Variants in ADH4 observed in about 807,000 individuals in gnomAD.
ADH4 encodes the protein alcohol dehydrogenase 4 (class II), pi polypeptide, also known as all-trans-retinol dehydrogenase [NAD(+)] ADH4.
Under a neutral mutation model 35.2 loss-of-function variants are expected in ADH4, and 31 were observed. The observed-to-expected ratio is 0.88, with a 90% CI of 0.66 to 1.19. The LOEUF is 1.19. Ranked by LOEUF, ADH4 falls within the 50% of genes most tolerant of loss-of-function variation. The probability of loss-of-function intolerance (pLI) is 0.00; values close to 1 mark genes in which losing one functional copy is unlikely to be tolerated. For missense variants in ADH4, 476 were observed against 458.3 expected (o/e 1.04, Z -0.35); for synonymous variants, 171 against 160.2 (o/e 1.07, Z -0.51).
intron 5 of ADH4, 130 bp downstream of exon 5, chr4:99,136,336 T>A: frequency 1.4e-6 from 1 of 690,882 alleles, no homozygotes. Context: ...AGGGATTAAA[T>A]AACTTGCTTA....
chr4:99,126,563 T>TA (rs779149251), intron 8 of ADH4, 31 bp downstream of exon 8: 20 of 1,540,738 alleles, frequency 1.3e-5, no homozygotes, highest in Non-Finnish European at 1.7e-5. Context: ...AAACGTTTTT[T>TA]AAATCATTCA....
chr4:99,129,875 G>A (rs979246568), intron 6 of ADH4, among the ~76,000 whole-genome samples: 3 of 152,178 alleles, frequency 2.0e-5, no homozygotes, highest in African/African-American at 7.2e-5. Context: ...GTATTCCCCT[G>A]CTGTACTCAT....
Position 99,139,045 on chromosome 4 carries a change from A to G in ADH4, c.350+16T>C. The G allele has an allele frequency of 6.3e-7, 1 of 1,577,854 alleles. No homozygotes were observed. The stretch of plus-strand genomic sequence containing the variant: ...CATTCAAATTTATACTAATACTAAC[A>G]GTGTAGAGTGCTTACCTGATTTTCC... On this transcript the variant is annotated intron_variant, in intron 4 of 8. Transcript: ENST00000265512.
chr4:99,137,139 T>TA (rs200921834), intron 4 of ADH4, among the ~76,000 whole-genome samples: 31,230 of 150,244 alleles, frequency 0.21, 3,851 homozygotes, highest in Non-Finnish European at 0.28. Context: ...ATTATTATTT[T>TA]TTTTTTGAGA....
Position 99,144,186 on chromosome 4 carries a change from A to T in ADH4, c.18+19T>A, listed in dbSNP as rs999394324. 1 of 1,613,500 alleles carries T rather than the reference A, an allele frequency of 6.2e-7. No homozygotes were observed. The highest frequency in any genetic ancestry group is 1.3e-5 in the African/African-American group (1 of 75,044). On this transcript the variant is annotated intron_variant, in intron 1 of 8. Transcript: ENST00000265512. ...ACAGAAAAGCACAAACTGAACAAAGATACAGCTTACTTGCTTACTTTGCCC... is the reference window on the plus strand; with the variant it reads ...ACAGAAAAGCACAAACTGAACAAAGTTACAGCTTACTTGCTTACTTTGCCC...
rs1560776851 is a variant in ADH4, at chr4:99,131,571, A to C, written c.776T>G (p.Val259Gly). ...ACCTCCCTTGGTCAATTCAATGATA[A>C]CTTCCTGGATCGGTTTATGTAAGTC... The part of the protein sequence containing the change: ...PRDLHKPIQE[V>G]IIELTKGGVD... The change falls in exon 6 of 9, where the codon GTT (valine) becomes GGT (glycine). Residue 259 changes from valine (V) to glycine (G), a missense_variant. Coordinates refer to ENST00000265512, the MANE Select transcript of ADH4 (RefSeq NM_000670.5). 1 of 1,614,008 alleles carries C rather than the reference A, an allele frequency of 6.2e-7. No homozygotes were observed. Among genetic ancestry groups the C allele is most frequent in the African/African-American group, 1.3e-5 (1 of 74,914 alleles).
chr4:99,124,269 C>CAT lies in ADH4; in HGVS notation c.*171_*172dup. ...ATTATTATTTAACATAGGGAATATT[C>CAT]ATATATATAACAGGTACAAAGTCTA... is the stretch of plus-strand genomic sequence containing the variant. On this transcript the variant is annotated 3_prime_UTR_variant, in exon 9 of 9. Transcript: ENST00000265512. 3.7e-6 allele frequency: 2 copies of CAT among 543,580 alleles called. No individual in the cohort carries two copies. Among genetic ancestry groups the CAT allele is most frequent in the Non-Finnish European group, 6.5e-6 (2 of 307,702 alleles). The allele number at this position is 543,580 out of a possible 1,614,324, so 33.7% of individuals were successfully genotyped here. A position where few individuals can be genotyped will look rare whatever the true frequency, so the allele number is the denominator to read the frequency against.
chr4:99,141,024 A>G (rs1322647389), intron 3 of ADH4, among the ~76,000 whole-genome samples: 1 of 152,132 alleles, frequency 6.6e-6, no homozygotes, highest in Non-Finnish European at 1.5e-5. Context: ...TATTTTTCTG[A>G]GCCTCTCCTC....
chr4:99,127,021 C>T (rs954062131), intron 7 of ADH4, among the ~76,000 whole-genome samples, 188 bp downstream of exon 7: 5 of 151,854 alleles, frequency 3.3e-5, no homozygotes, highest in African/African-American at 1.2e-4. Context: ...TTTCAATTTG[C>T]AAATTATAAT....
At chr4:99,131,867 A>T in intron 5 of ADH4, 103 bp from the exon 6 acceptor site, 1 of 1,278,330 alleles carries the variant, frequency 7.8e-7, no homozygotes, top group South Asian at 1.5e-5. Flanking sequence ...TGAATTAAAG[A>T]CAGCCTGCTA....
At chr4:99,135,535 G>A in intron 5 of ADH4, among the ~76,000 whole-genome samples, 1 of 152,162 alleles carries the variant, frequency 6.6e-6, no homozygotes, top group East Asian at 1.9e-4. Context: ...CAGCCTGAAG[G>A]AGGTAGGGCA....
intron 5 of ADH4, among the ~76,000 whole-genome samples, chr4:99,135,116 G>A (rs922275686): frequency 2.0e-5 from 3 of 152,094 alleles, no homozygotes; most frequent in African/African-American, 7.2e-5. Flanking sequence ...ATAAATGGGA[G>A]ATTTCTCTAT....
chr4:99,131,405 A>G (rs1024132425), intron 6 of ADH4, 99 bp downstream of exon 6: 3 of 1,330,832 alleles, frequency 2.3e-6, no homozygotes, highest in Admixed American at 2.3e-5. Flanking sequence ...CATCCATTTG[A>G]AAGTACTAAG....
Position 99,131,508 on chromosome 4 carries a change from G to A in ADH4, c.839C>T (p.Thr280Ile), listed in dbSNP as rs777333322. Reference sequence around the variant, plus strand: ...CCAAGAACAAAATATACATACCATGGTTTCAGATCCACCTGCACAGTCAAG... The same window carrying A: ...CCAAGAACAAAATATACATACCATGATTTCAGATCCACCTGCACAGTCAAG... ...FALDCAGGSE[T>I]MKAALDCTTA... The change falls in exon 6 of 9, where the codon ACC (threonine) becomes ATC (isoleucine). Residue 280 changes from threonine to isoleucine, a missense_variant. Coordinates refer to ENST00000265512, the MANE Select transcript of ADH4 (RefSeq NM_000670.5). 2 of 1,612,306 alleles carry A rather than the reference G, an allele frequency of 1.2e-6. No homozygotes were observed. The highest frequency in any genetic ancestry group is 1.1e-5 in the South Asian group (1 of 90,838).
intron 5 of ADH4, among the ~76,000 whole-genome samples, chr4:99,135,477 T>C (rs1312169818): frequency 6.6e-6 from 1 of 152,118 alleles, no homozygotes; most frequent in African/African-American, 2.4e-5. Flanking sequence ...ACCCAAAGCA[T>C]GGCTGAGAGC....
rs1022027521 is a variant in ADH4, at chr4:99,136,556, G to T, written c.492C>A (p.Ala164=). 1 of 1,613,908 alleles carries T rather than the reference G, an allele frequency of 6.2e-7. No individual in the cohort carries two copies. Among genetic ancestry groups the T allele is most frequent in the Non-Finnish European group, 8.5e-7 (1 of 1,180,014 alleles). The stretch of plus-strand genomic sequence containing the variant: ...CTAAATTTGCATCATCATCTATTTT[G>T]GCAAGATTGATATCTGACACCACAG... ...QYTVVSDINL[A]KIDDDANLER... is the part of the protein sequence containing the mutation. The change falls in exon 5 of 9, where the codon GCC becomes GCA. Residue 164 remains alanine (A), a synonymous_variant. Coordinates refer to ENST00000265512, the MANE Select transcript of ADH4 (RefSeq NM_000670.5).
In ADH4 at chr4:99,123,769, T is replaced by C. The variant is rs536292638; in HGVS notation, c.*673A>G. On this transcript the variant is annotated 3_prime_UTR_variant, in exon 9 of 9. Transcript: ENST00000265512. ...GCTGTTGACTATAGTCTCCCTGTTGTGCTATCAAATACCAGGTCTTATTCA... is the reference window on the plus strand; with the variant it reads ...GCTGTTGACTATAGTCTCCCTGTTGCGCTATCAAATACCAGGTCTTATTCA... 1.2e-4 allele frequency: 18 copies of C among 152,286 alleles called. No individual in the cohort carries two copies. The highest frequency in any genetic ancestry group is 1.1e-3 in the Admixed American group (17 of 15,282). 9.4% of individuals were successfully genotyped at this position (152,286 alleles called of 1,614,324 possible).
chr4:99,131,662 C>A lies in ADH4; in HGVS notation c.685G>T (p.Asp229Tyr). ...TTCACAAACTTCTCACTGTTGATGTCAATACCTATGATTCTGGAAGCTCCT... is the reference window on the plus strand; with the variant it reads ...TTCACAAACTTCTCACTGTTGATGTAAATACCTATGATTCTGGAAGCTCCT... The part of the protein sequence containing the change: ...AAGASRIIGI[D>Y]INSEKFVKAK... Residue 229 changes from aspartate (D) to tyrosine (Y), a missense_variant, in exon 6 of 9, where the codon GAC becomes TAC. Physicochemically the swap from Asp to Tyr is radical, Grantham distance 160 (BLOSUM62 -3). Coordinates refer to ENST00000265512, the MANE Select transcript of ADH4 (RefSeq NM_000670.5). 6.2e-7 allele frequency: 1 copy of A among 1,614,144 alleles called. No homozygotes were observed. Among genetic ancestry groups the A allele is most frequent in the East Asian group, 2.2e-5 (1 of 44,878 alleles).
chr4:99,137,851 A>G (rs1479373019), intron 4 of ADH4, among the ~76,000 whole-genome samples: 2 of 152,162 alleles, frequency 1.3e-5, no homozygotes, highest in Non-Finnish European at 2.9e-5. Context: ...ACATTACCAT[A>G]TATCTCTAAA....
Sources: allele counts gnomAD v4.1 joint callset (sites outside exome capture counted in the v4.1 genomes callset), GRCh38; gene constraint gnomAD v4.1.1; transcripts MANE v1.5; gene names NCBI Gene and HGNC (gene_info 2026-07-23, HGNC 2026-07-21).